Variants in ZC2HC1B observed in about 807,000 individuals in gnomAD.
ZC2HC1B encodes the protein zinc finger C2HC-type containing 1B, also known as zinc finger C2HC domain-containing protein 1B.
In ZC2HC1B, 36 loss-of-function variants were observed where a neutral mutation model predicts 31.0. That is an observed-to-expected ratio of 1.16 (90% CI 0.89 to 1.54). The LOEUF is 1.54. ZC2HC1B is among the 40% of genes most tolerant of loss of function. The pLI, the probability that ZC2HC1B is intolerant of heterozygous loss-of-function variation, is 0.00. For missense variants in ZC2HC1B, 260 were observed against 268.6 expected (o/e 0.97, Z 0.22); for synonymous variants, 73 against 88.0 (o/e 0.83, Z 0.95).
intron 6 of ZC2HC1B, among the ~76,000 whole-genome samples, chr6:143,930,669 G>A (rs757995149): frequency 1.3e-5 from 2 of 152,024 alleles, no homozygotes; most frequent in African/African-American, 2.4e-5. Context: ...GAGCCACCGC[G>A]CCCAGCCAGT....
At chr6:143,901,925 GTTC>G (rs1777743095) in intron 5 of ZC2HC1B, among the ~76,000 whole-genome samples, 1 of 152,304 alleles carries the variant, frequency 6.6e-6, no homozygotes, top group African/African-American at 2.4e-5. Context: ...TCTGCAGATG[GTTC>G]TTCTTACTGG....
intron 4 of ZC2HC1B, among the ~76,000 whole-genome samples, chr6:143,891,702 AAAAAAAGAAAG>A: frequency 6.6e-6 from 1 of 152,106 alleles, no homozygotes; most frequent in Non-Finnish European, 1.5e-5. Context: ...TCAAAAAAAA[AAAAAAAGAAAG>A]AAAAAAGAAA....
Position 143,931,280 on chromosome 6 carries a change from T to G in ZC2HC1B, c.599-6369T>G, listed in dbSNP as rs116092259. ...ATTCTGCCATTCTTTACCTTTTAAG[T>G]GAAGCATTTAGGCCATTTACATTCA... is the stretch of plus-strand genomic sequence containing the variant. On this transcript the variant is annotated intron_variant, in intron 6 of 7. Transcript: ENST00000237275. Among the ~76,000 whole-genome samples, 1,025 of 152,342 alleles carry G rather than the reference T, an allele frequency of 6.7e-3. 10 individuals are homozygous for G. Among genetic ancestry groups the G allele is most frequent in the African/African-American group, 0.024 (987 of 41,580 alleles).
At chr6:143,920,242 G>A (rs1777971891) in intron 6 of ZC2HC1B, among the ~76,000 whole-genome samples, 1 of 151,998 alleles carries the variant, frequency 6.6e-6, no homozygotes, top group Non-Finnish European at 1.5e-5. Flanking sequence ...TAAGTTATAA[G>A]GATTAGATAA....
At position 143,898,567 on chromosome 6, in the gene ZC2HC1B, C is replaced by A. The variant is rs1358515535; in HGVS notation, c.365C>A (p.Pro122Gln). Residue 122 changes from proline to glutamine, a missense_variant, in exon 5 of 8, where the codon CCA (proline) becomes CAA (glutamine). Physicochemically the swap from Pro to Gln is moderately conservative, Grantham distance 76 (BLOSUM62 -1). Coordinates refer to ENST00000237275, the MANE Select transcript of ZC2HC1B (RefSeq NM_001013623.3). The stretch of plus-strand genomic sequence containing the variant: ...TTACATTCAGATTATATTCAACGTC[C>A]ATATTGTATGAGAAGGTTTAATGAA... ...PSLNPDYIQR[P>Q]YCMRRFNESA... 6.4e-7 allele frequency: 1 copy of A among 1,551,632 alleles called. No individual in the cohort carries two copies. Among genetic ancestry groups the A allele is most frequent in the Admixed American group, 2.0e-5 (1 of 51,006 alleles).
rs1261051470 is a variant in ZC2HC1B at position 143,869,712 on chromosome 6, G to A, written c.28+5145G>A. Among the ~76,000 whole-genome samples, 1 of 152,226 alleles carries A rather than the reference G, an allele frequency of 6.6e-6. No individual in the cohort carries two copies. The stretch of plus-strand genomic sequence containing the variant: ...GCAGGTAGCTGGCTGATCACCCTGA[G>A]AAGTGGTGCCATATCGAGGTCTCAG... On this transcript the variant is annotated intron_variant, in intron 1 of 7. Transcript: ENST00000237275. The surrounding 1 kb of genome is among the most constrained non-coding windows in gnomAD (Gnocchi z 5.2).
At chr6:143,930,496 C>T (rs1017768628) in intron 6 of ZC2HC1B, among the ~76,000 whole-genome samples, 2 of 150,878 alleles carry the variant, frequency 1.3e-5, no homozygotes, top group African/African-American at 4.9e-5. Context: ...ATGCCATTCT[C>T]CTGCCTCAGC....
chr6:143,866,078 G>GT (rs535631288), intron 1 of ZC2HC1B, among the ~76,000 whole-genome samples: 26 of 152,304 alleles, frequency 1.7e-4, no homozygotes, highest in Middle Eastern at 6.8e-3. Context: ...GCCTCCCAAA[G>GT]TGCTGGGATT....
rs4896684 is a variant in ZC2HC1B at position 143,883,473 on chromosome 6, T to C, written c.29-831T>C. ...CAACTTAATGTCCCTTGTTGCTTTC[T>C]TTGCATGTAGAGTAAAGCCCAGATG... On this transcript the variant is annotated intron_variant, in intron 1 of 7. Coordinates refer to ENST00000237275, the MANE Select transcript of ZC2HC1B (RefSeq NM_001013623.3). This position sits in a 1 kb window ranked among gnomAD's most constrained non-coding sequence, Gnocchi z 4.1. Among the ~76,000 whole-genome samples, 14,974 of 152,262 alleles carry C rather than the reference T, an allele frequency of 0.098. 851 individuals are homozygous for C. Among genetic ancestry groups the C allele is most frequent in the African/African-American group, 0.15 (6,336 of 41,548 alleles).
chr6:143,880,992 A>G (rs113018713), intron 1 of ZC2HC1B, among the ~76,000 whole-genome samples: 13 of 152,184 alleles, frequency 8.5e-5, no homozygotes, highest in Non-Finnish European at 5.9e-5. Context: ...ATTTGATAAC[A>G]CGCAGAACCA....
chr6:143,877,773 G>T (rs1777425455), intron 1 of ZC2HC1B, among the ~76,000 whole-genome samples: 1 of 150,428 alleles, frequency 6.6e-6, no homozygotes, highest in African/African-American at 2.5e-5. Context: ...CTGTATTGTA[G>T]GGTGGTCTGA....
At position 143,934,353 on chromosome 6, in the gene ZC2HC1B, GC is replaced by G. The variant is rs1381284162; in HGVS notation, c.599-3295del. ...CGCTGTTCTGTCCATCCAAGTGGGA[GC>G]TACTTATCAGCCCTGTCCCCTATCT... On this transcript the variant is annotated intron_variant, in intron 6 of 7. Coordinates refer to ENST00000237275, the MANE Select transcript of ZC2HC1B (RefSeq NM_001013623.3). The surrounding 1 kb of genome is among the most constrained non-coding windows in gnomAD (Gnocchi z 4.6). 6.6e-6 allele frequency among the ~76,000 whole-genome samples: 1 copy of G among 152,188 alleles called. No homozygotes were observed. Among genetic ancestry groups the G allele is most frequent in the African/African-American group, 2.4e-5 (1 of 41,452 alleles).
chr6:143,901,250 CTTTTT>C (rs760366226), intron 5 of ZC2HC1B, among the ~76,000 whole-genome samples: 19 of 90,490 alleles, frequency 2.1e-4, no homozygotes, highest in African/African-American at 5.3e-4. Flanking sequence ...TTCTTTCTTC[CTTTTT>C]TTTTTTTTTT....
At position 143,905,768 on chromosome 6, in the gene ZC2HC1B, G is replaced by T. The variant is rs1051964524; in HGVS notation, c.598+2616G>T. On this transcript the variant is annotated intron_variant, in intron 6 of 7. Coordinates refer to ENST00000237275, the MANE Select transcript of ZC2HC1B (RefSeq NM_001013623.3). The surrounding 1 kb of genome is among the most constrained non-coding windows in gnomAD (Gnocchi z 4.2). ...TGTTGAGTGTTTTTATCATGAAAGGGTGTTGAATTTTCTCAAATGGTTTTT... is the reference window on the plus strand; with the variant it reads ...TGTTGAGTGTTTTTATCATGAAAGGTTGTTGAATTTTCTCAAATGGTTTTT... Among the ~76,000 whole-genome samples, 6 of 152,020 alleles carry T rather than the reference G, an allele frequency of 3.9e-5. No homozygotes were observed. The highest frequency in any genetic ancestry group is 1.5e-4 in the African/African-American group (6 of 41,374).
chr6:143,883,158 G>A lies in ZC2HC1B; in HGVS notation c.29-1146G>A, dbSNP rs1763216366. 6.6e-6 allele frequency among the ~76,000 whole-genome samples: 1 copy of A among 152,096 alleles called. No homozygotes were observed. The highest frequency in any genetic ancestry group is 1.5e-5 in the Non-Finnish European group (1 of 68,022). ...GGGCTCAAGTGATCCTCTCACCTCAGCCTCCTGAGTAGCTGGGACCACAGG... is the reference window on the plus strand; with the variant it reads ...GGGCTCAAGTGATCCTCTCACCTCAACCTCCTGAGTAGCTGGGACCACAGG... On this transcript the variant is annotated intron_variant, in intron 1 of 7. Coordinates refer to ENST00000237275, the MANE Select transcript of ZC2HC1B (RefSeq NM_001013623.3). The surrounding 1 kb of genome is among the most constrained non-coding windows in gnomAD (Gnocchi z 4.1).
Position 143,918,073 on chromosome 6 carries a change from C to T in ZC2HC1B, c.598+14921C>T, listed in dbSNP as rs1777939198. 6.6e-6 allele frequency among the ~76,000 whole-genome samples: 1 copy of T among 152,184 alleles called. No homozygotes were observed. The highest frequency in any genetic ancestry group is 1.5e-5 in the Non-Finnish European group (1 of 68,032). On this transcript the variant is annotated intron_variant, in intron 6 of 7. Transcript: ENST00000237275. The surrounding 1 kb of genome is among the most constrained non-coding windows in gnomAD (Gnocchi z 4.1). ...TCTGTCTAGGATCCTCCCACTTCAC[C>T]TTGCAGGACTCCCTTGAGTATTTCT...
At position 143,868,068 on chromosome 6, in the gene ZC2HC1B, G is replaced by A. The variant is rs1777288643; in HGVS notation, c.28+3501G>A. On this transcript the variant is annotated intron_variant, in intron 1 of 7. Transcript: ENST00000237275. The surrounding 1 kb of genome is among the most constrained non-coding windows in gnomAD (Gnocchi z 4.2). ...ATTATTTTACCTCAGAAGTTTAAAG[G>A]GTTTCTTCCATTTGTTTCCATTTCC... Among the ~76,000 whole-genome samples the A allele has an allele frequency of 6.6e-6, 1 of 152,034 alleles. No individual in the cohort carries two copies. Among genetic ancestry groups the A allele is most frequent in the African/African-American group, 2.4e-5 (1 of 41,378 alleles).
intron 6 of ZC2HC1B, among the ~76,000 whole-genome samples, chr6:143,930,000 C>T (rs1278977355): frequency 1.3e-5 from 2 of 152,000 alleles, no homozygotes; most frequent in African/African-American, 2.4e-5. Flanking sequence ...GGTTAGTTGA[C>T]CTAGTGGTCT....
In ZC2HC1B at chr6:143,865,718, C is replaced by CAG. The variant is rs1777250489; in HGVS notation, c.28+1152_28+1153insGA. On this transcript the variant is annotated intron_variant, in intron 1 of 7. Transcript: ENST00000237275. The surrounding 1 kb of genome is among the most constrained non-coding windows in gnomAD (Gnocchi z 4.4). ...GGAAAGATTTCAGAAAAGAATTAAA[C>CAG]ATAGAACCATAGCAGGGCCTAGAAT... Among the ~76,000 whole-genome samples the CAG allele has an allele frequency of 7.6e-6, 1 of 131,292 alleles. No homozygotes were observed. Among genetic ancestry groups the CAG allele is most frequent in the South Asian group, 2.7e-4 (1 of 3,674 alleles). The allele number at this position is 131,292 out of a possible 152,430, so 86.1% of individuals were successfully genotyped here.
Sources: allele counts gnomAD v4.1 joint callset (sites outside exome capture counted in the v4.1 genomes callset), GRCh38; gene constraint gnomAD v4.1.1; non-coding constraint Gnocchi (gnomAD v3.1); transcripts MANE v1.5; gene names NCBI Gene and HGNC (gene_info 2026-07-23, HGNC 2026-07-21).